Variants in FAM53B observed in about 807,000 individuals in gnomAD.
FAM53B encodes family with sequence similarity 53 member B, also known as protein FAM53B.
In FAM53B, 12 loss-of-function variants were observed where a neutral mutation model predicts 32.7. The ratio of observed to expected loss-of-function variants is 0.37; its 90% CI spans 0.24 to 0.59. FAM53B has a LOEUF of 0.59. Ranked by LOEUF, FAM53B falls within the 20% of genes least tolerant of loss-of-function variation. FAM53B has a pLI of 0.72. For synonymous variants in FAM53B, 234 were observed against 228.7 expected (o/e 1.02, Z -0.21); for missense variants, 477 against 577.7 (o/e 0.83, Z 1.79).
chr10:124,626,722 C>T (rs770487589), intron 4 of FAM53B, among the ~76,000 whole-genome samples: 8 of 152,360 alleles, frequency 5.3e-5, no homozygotes, highest in Middle Eastern at 3.4e-3. Flanking sequence ...TAGCCAGGCA[C>T]GGGCACTGGA....
chr10:124,649,171 G>A (rs1949539702), intron 4 of FAM53B, among the ~76,000 whole-genome samples: 3 of 152,326 alleles, frequency 2.0e-5, no homozygotes, highest in South Asian at 4.1e-4. Flanking sequence ...GTTCTGAAAC[G>A]TATAGGCTCC....
In FAM53B at chr10:124,636,483, G is replaced by A. The variant is rs557004894; in HGVS notation, c.907-12879C>T. ...GACGCCTGCATGTGGGTGGTTAGCCGGGTGGCTTTTCACATGGCTGGTAGG... is the reference window on the plus strand; with the variant it reads ...GACGCCTGCATGTGGGTGGTTAGCCAGGTGGCTTTTCACATGGCTGGTAGG... On this transcript the variant is annotated intron_variant, in intron 4 of 4. Transcript: ENST00000337318. Among the ~76,000 whole-genome samples the A allele has an allele frequency of 3.3e-5, 5 of 152,336 alleles. No homozygotes were observed. In the East Asian group the frequency reaches 9.6e-4, roughly 29 times the overall value.
intron 4 of FAM53B, among the ~76,000 whole-genome samples, chr10:124,643,521 G>A (rs941285657): frequency 2.0e-5 from 3 of 152,350 alleles, no homozygotes; most frequent in Admixed American, 6.5e-5. Flanking sequence ...GGGCCCGGCC[G>A]CCCAAACAGA....
chr10:124,714,627 C>T (rs973328848), intron 1 of FAM53B, among the ~76,000 whole-genome samples: 1 of 151,944 alleles, frequency 6.6e-6, no homozygotes, highest in Admixed American at 6.6e-5. Context: ...GGTGTGGTGG[C>T]GCACGCCTGT....
In FAM53B at chr10:124,651,026, C is replaced by T. The variant is rs1406843260; in HGVS notation, c.907-27422G>A. 6.6e-6 allele frequency among the ~76,000 whole-genome samples: 1 copy of T among 152,030 alleles called. No homozygotes were observed. Among genetic ancestry groups the T allele is most frequent in the African/African-American group, 2.4e-5 (1 of 41,384 alleles). On this transcript the variant is annotated intron_variant, in intron 4 of 4. Coordinates refer to ENST00000337318, the MANE Select transcript of FAM53B (RefSeq NM_014661.4). This position sits in a 1 kb window ranked among gnomAD's most constrained non-coding sequence, Gnocchi z 5.2. ...ATTAGCCACGCCAGACACTGGGAGC[C>T]CCCCAATCTCCCTTCAGAGGCCACT...
At chr10:124,635,313 G>C (rs769769049) in intron 4 of FAM53B, among the ~76,000 whole-genome samples, 1 of 152,070 alleles carries the variant, frequency 6.6e-6, no homozygotes, top group Non-Finnish European at 1.5e-5. Context: ...GGCTGGTCTC[G>C]AACTCCTGAC....
At chr10:124,635,188 G>A (rs1359485203) in intron 4 of FAM53B, among the ~76,000 whole-genome samples, 2 of 152,180 alleles carry the variant, frequency 1.3e-5, no homozygotes, top group African/African-American at 4.8e-5. Flanking sequence ...TGCCTCCTGG[G>A]TTCAAGCAAT....
intron 1 of FAM53B, among the ~76,000 whole-genome samples, chr10:124,736,786 A>C (rs1393655643): frequency 6.6e-6 from 1 of 152,244 alleles, no homozygotes; most frequent in Non-Finnish European, 1.5e-5. Flanking sequence ...GGCCCCAGAC[A>C]GGACCTGTAC....
chr10:124,625,957 C>T (rs915644020), intron 4 of FAM53B, among the ~76,000 whole-genome samples: 7 of 152,202 alleles, frequency 4.6e-5, no homozygotes, highest in Non-Finnish European at 7.3e-5. Flanking sequence ...AGAGCAGCCA[C>T]GGTGTGTAAG....
At chr10:124,738,737 C>T (rs1199859993) in intron 1 of FAM53B, among the ~76,000 whole-genome samples, 1 of 152,088 alleles carries the variant, frequency 6.6e-6, no homozygotes, top group Non-Finnish European at 1.5e-5. Flanking sequence ...TGATATTGTA[C>T]AGACCTGGAG....
At position 124,623,327 on chromosome 10, in the gene FAM53B, G is replaced by A; in HGVS notation, c.1184C>T (p.Ala395Val). 1 of 1,612,466 alleles carries A rather than the reference G, an allele frequency of 6.2e-7. No homozygotes were observed. Among genetic ancestry groups the A allele is most frequent in the South Asian group, 1.1e-5 (1 of 91,080 alleles). Residue 395 changes from alanine (A) to valine (V), a missense_variant, in exon 5 of 5, where the codon GCA (alanine) becomes GTA (valine). By Grantham distance (64) the Ala-to-Val change is moderately conservative. This residue lies in a region of FAM53B where 165 missense variants were observed against 157.5 expected (regional missense o/e 1.05). Transcript: ENST00000337318. ...EDCGRRAEPAAAWRDRGAPGN... is the reference protein window; with the variant it reads ...EDCGRRAEPAVAWRDRGAPGN... ...AGGGGCCCCGCGGTCCCGCCAGGCT[G>A]CAGCCGGCTCCGCTCTCCTGCCACA...
intron 4 of FAM53B, among the ~76,000 whole-genome samples, chr10:124,659,017 C>A (rs1173102043): frequency 2.0e-5 from 3 of 152,212 alleles, no homozygotes; most frequent in East Asian, 1.9e-4. Flanking sequence ...GTGGTGGTAA[C>A]CTGGCATGAC....
chr10:124,696,664 C>G (rs1008807334), intron 2 of FAM53B, among the ~76,000 whole-genome samples: 1 of 152,104 alleles, frequency 6.6e-6, no homozygotes, highest in Non-Finnish European at 1.5e-5. Context: ...CCCTCCCTTC[C>G]AGATCCAGGG....
Position 124,623,340 on chromosome 10 carries a change from C to T in FAM53B, c.1171G>A (p.Ala391Thr), listed in dbSNP as rs760892008. Residue 391 changes from alanine to threonine, a missense_variant, in exon 5 of 5, where the codon GCG becomes ACG. Ala to Thr is a moderately conservative substitution (Grantham distance 58). Coordinates refer to ENST00000337318, the MANE Select transcript of FAM53B (RefSeq NM_014661.4). ...TCCCGCCAGGCTGCAGCCGGCTCCG[C>T]TCTCCTGCCACAATCCTCGTCCAGG... ...CALDEDCGRR[A>T]EPAAAWRDRG... is the part of the protein sequence containing the mutation. 1.9e-6 allele frequency: 3 copies of T among 1,612,250 alleles called. No individual in the cohort carries two copies. Among genetic ancestry groups the T allele is most frequent in the Middle Eastern group, 1.7e-4 (1 of 6,058 alleles).
chr10:124,659,970 C>T (rs1949618504), intron 4 of FAM53B, among the ~76,000 whole-genome samples: 1 of 152,234 alleles, frequency 6.6e-6, no homozygotes, highest in Admixed American at 6.5e-5. Context: ...CCATGCCCAG[C>T]TAATTTTTGT....
chr10:124,689,513 G>A (rs1029370599), intron 3 of FAM53B, among the ~76,000 whole-genome samples: 4 of 152,188 alleles, frequency 2.6e-5, no homozygotes, highest in African/African-American at 4.8e-5. Flanking sequence ...CTTGGATTCG[G>A]GGACAGCAAC....
chr10:124,676,810 T>C (rs2134065840), intron 4 of FAM53B, among the ~76,000 whole-genome samples: 1 of 152,254 alleles, frequency 6.6e-6, no homozygotes, highest in East Asian at 1.9e-4. Flanking sequence ...CGTGCTGGCA[T>C]GCTGGTTTCT....
intron 4 of FAM53B, among the ~76,000 whole-genome samples, chr10:124,662,496 ATCCATCCATCCATCC>A (rs1949640067): frequency 1.5e-5 from 2 of 130,662 alleles, no homozygotes; most frequent in Middle Eastern, 4.4e-3. Flanking sequence ...CCATCCATCC[ATCCATCCATCCATCC>A]ATGTATTCAA....
At chr10:124,669,232 C>T (rs886811890) in intron 4 of FAM53B, among the ~76,000 whole-genome samples, 8 of 152,228 alleles carry the variant, frequency 5.3e-5, no homozygotes, top group African/African-American at 1.4e-4. Context: ...GGATGTAACG[C>T]GCACTGTCCA....
Sources: gnomAD v4.1 joint callset for allele counts (sites outside exome capture counted in the v4.1 genomes callset) on GRCh38, gnomAD v4.1.1 for gene constraint, gnomAD v4.1.1 regional missense constraint, Gnocchi (gnomAD v3.1) non-coding constraint, MANE v1.5 for transcripts, NCBI Gene and HGNC (gene_info 2026-07-23, HGNC 2026-07-21) for gene names.